ZHX2: variants seen among roughly 807,000 people sequenced by gnomAD.
ZHX2 encodes the protein zinc fingers and homeoboxes 2.
ZHX2 carries 6 observed loss-of-function variants against 21.9 expected under a neutral mutation model. That is an observed-to-expected ratio of 0.27 (90% CI 0.15 to 0.54). ZHX2 has a LOEUF of 0.54. Among genes scored for constraint, ZHX2 ranks in the 20% least tolerant of loss-of-function variants. The probability of loss-of-function intolerance (pLI) is 0.95; values close to 1 mark genes in which losing one functional copy is unlikely to be tolerated. For missense variants in ZHX2, 908 were observed against 1,090.7 expected (o/e 0.83, Z 2.36); for synonymous variants, 434 against 437.1 (o/e 0.99, Z 0.09).
intron 2 of ZHX2, among the ~76,000 whole-genome samples, chr8:122,937,933 G>T (rs1040882570): frequency 4.2e-4 from 31 of 73,374 alleles, no homozygotes; most frequent in East Asian, 2.9e-3. Flanking sequence ...TTTCTTTTTG[G>T]TTTTTTTTTT....
chr8:122,923,848 C>T (rs542478521), intron 2 of ZHX2, among the ~76,000 whole-genome samples: 37 of 152,350 alleles, frequency 2.4e-4, no homozygotes, highest in African/African-American at 8.7e-4. Flanking sequence ...CATGGGTATG[C>T]TCTCTGACAG....
At chr8:122,963,179 G>A (rs1250427816) in intron 3 of ZHX2, among the ~76,000 whole-genome samples, 6 of 151,858 alleles carry the variant, frequency 4.0e-5, no homozygotes, top group Non-Finnish European at 5.9e-5. Flanking sequence ...TGGGTTCTTG[G>A]TCATGAACTC....
chr8:122,906,457 C>T (rs1437938345), intron 2 of ZHX2, among the ~76,000 whole-genome samples: 2 of 152,006 alleles, frequency 1.3e-5, no homozygotes, highest in Admixed American at 6.6e-5. Flanking sequence ...ATCGTAGCTG[C>T]GACACATGGT....
chr8:122,807,251 A>G (rs1432994374), intron 1 of ZHX2, among the ~76,000 whole-genome samples: 1 of 152,174 alleles, frequency 6.6e-6, no homozygotes, highest in Non-Finnish European at 1.5e-5. Flanking sequence ...TGGGCCCTGA[A>G]TAATGTATTT....
At chr8:122,783,955 T>C (rs1419445683) in intron 1 of ZHX2, among the ~76,000 whole-genome samples, 1 of 152,272 alleles carries the variant, frequency 6.6e-6, no homozygotes, top group Non-Finnish European at 1.5e-5. Flanking sequence ...CTTGTACCTT[T>C]CCTTCTAGCC....
At chr8:122,790,753 G>A (rs967351017) in intron 1 of ZHX2, among the ~76,000 whole-genome samples, 1 of 152,044 alleles carries the variant, frequency 6.6e-6, no homozygotes, top group African/African-American at 2.4e-5. Context: ...GACTACAGGT[G>A]CACGCCACCA....
chr8:122,790,688 A>ACCCCCG (rs1270553698), intron 1 of ZHX2, among the ~76,000 whole-genome samples: 1 of 151,838 alleles, frequency 6.6e-6, no homozygotes, highest in Non-Finnish European at 1.5e-5. Flanking sequence ...GCTCATTGCA[A>ACCCCCG]CCTCCGCCTC....
At chr8:122,856,346 A>G (rs1462949602) in intron 1 of ZHX2, among the ~76,000 whole-genome samples, 8 of 152,210 alleles carry the variant, frequency 5.3e-5, no homozygotes, top group Non-Finnish European at 1.2e-4. Context: ...TGCAGATCCT[A>G]ACCAGGCACA....
chr8:122,941,157 G>A (rs549847563), intron 2 of ZHX2, among the ~76,000 whole-genome samples: 145 of 152,228 alleles, frequency 9.5e-4, no homozygotes, highest in Middle Eastern at 3.4e-3. Context: ...TGAGGTGGGA[G>A]GATCACTTGA....
Position 122,821,264 on chromosome 8 carries a change from G to A in ZHX2, c.-283+39318G>A, listed in dbSNP as rs1294326501. 4.6e-5 allele frequency among the ~76,000 whole-genome samples: 7 copies of A among 152,264 alleles called. No individual in the cohort carries two copies. In the South Asian group the frequency reaches 6.2e-4, roughly 14 times the overall value. On this transcript the variant is annotated intron_variant, in intron 1 of 3. Transcript: ENST00000314393. Reference sequence around the variant, plus strand: ...ACTTGCTGCCCAGCCCTGCATGGACGGGAACTAGAGTTCTGCTGGGCGCTG... The same window carrying A: ...ACTTGCTGCCCAGCCCTGCATGGACAGGAACTAGAGTTCTGCTGGGCGCTG...
At chr8:122,865,410 G>T (rs1397733027) in intron 2 of ZHX2, among the ~76,000 whole-genome samples, 5 of 152,190 alleles carry the variant, frequency 3.3e-5, no homozygotes, top group African/African-American at 1.2e-4. Context: ...TTACAGGCGT[G>T]AGCCACCACG....
chr8:122,903,905 G>A (rs140425962), intron 2 of ZHX2, among the ~76,000 whole-genome samples: 1 of 152,164 alleles, frequency 6.6e-6, no homozygotes, highest in East Asian at 1.9e-4. Context: ...AGAAAATGGA[G>A]TAAACACATT....
rs951438074 is a variant in ZHX2, at chr8:122,782,458, C to G, written c.-283+512C>G. On this transcript the variant is annotated intron_variant, in intron 1 of 3. Coordinates refer to ENST00000314393, the MANE Select transcript of ZHX2 (RefSeq NM_014943.5). The surrounding 1 kb of genome is among the most constrained non-coding windows in gnomAD (Gnocchi z 5.3). ...CGGGGACTCCACCGGGACGTGGCCC[C>G]GTCTCCGCGCGTTTTGGCAGGCGGG... Among the ~76,000 whole-genome samples, 2 of 152,144 alleles carry G rather than the reference C, an allele frequency of 1.3e-5. No individual in the cohort carries two copies. Among genetic ancestry groups the G allele is most frequent in the Admixed American group, 1.3e-4 (2 of 15,290 alleles).
chr8:122,842,477 G>A (rs530417674), intron 1 of ZHX2, among the ~76,000 whole-genome samples: 54 of 152,270 alleles, frequency 3.5e-4, no homozygotes, highest in African/African-American at 1.2e-3. Flanking sequence ...AGGCCTAGGC[G>A]GGCAGATCAG....
chr8:122,908,460 T>C (rs1190189299), intron 2 of ZHX2, among the ~76,000 whole-genome samples: 1 of 152,166 alleles, frequency 6.6e-6, no homozygotes, highest in African/African-American at 2.4e-5. Flanking sequence ...TCCACCCACC[T>C]CGGCCTCCCA....
intron 1 of ZHX2, among the ~76,000 whole-genome samples, chr8:122,816,969 C>T (rs775984374): frequency 2.0e-5 from 3 of 152,132 alleles, no homozygotes; most frequent in Non-Finnish European, 4.4e-5. Flanking sequence ...CCTCTGGTGG[C>T]TTTTTCTCCC....
chr8:122,931,153 A>G (rs970378217), intron 2 of ZHX2, among the ~76,000 whole-genome samples: 3 of 152,204 alleles, frequency 2.0e-5, no homozygotes, highest in African/African-American at 7.2e-5. Context: ...ACTTGCAGCC[A>G]TAATTTCCCT....
At chr8:122,821,838 GGGATTACAGGCA>G (rs1346461696) in intron 1 of ZHX2, among the ~76,000 whole-genome samples, 25 of 152,158 alleles carry the variant, frequency 1.6e-4, no homozygotes, top group African/African-American at 6.0e-4. Flanking sequence ...CCGAGTAGCT[GGGATTACAGGCA>G]TGTGCCACCA....
intron 1 of ZHX2, among the ~76,000 whole-genome samples, chr8:122,846,251 C>T (rs1818747324): frequency 6.6e-6 from 1 of 152,172 alleles, no homozygotes; most frequent in Non-Finnish European, 1.5e-5. Flanking sequence ...GGGATCCTTG[C>T]AAACTTGTCA....
Sources: allele counts gnomAD v4.1 joint callset (sites outside exome capture counted in the v4.1 genomes callset), GRCh38; gene constraint gnomAD v4.1.1; non-coding constraint Gnocchi (gnomAD v3.1); transcripts MANE v1.5; gene names NCBI Gene and HGNC (gene_info 2026-07-23, HGNC 2026-07-21).